Variants in ADGRE3 observed in about 807,000 individuals in gnomAD.
The protein encoded by ADGRE3 is adhesion G protein-coupled receptor E3.
A neutral mutation model predicts 80.1 loss-of-function variants in ADGRE3; 88 were observed. That is an observed-to-expected ratio of 1.10 (90% CI 0.93 to 1.31). ADGRE3 has a LOEUF of 1.31. ADGRE3 is among the 40% of genes most tolerant of loss of function. The pLI, the probability that ADGRE3 is intolerant of heterozygous loss-of-function variation, is 0.00. For missense variants in ADGRE3, 715 were observed against 776.5 expected, an observed-to-expected ratio of 0.92 and a Z score of 0.94; for synonymous variants, 281 against 294.8, an observed-to-expected ratio of 0.95 and a Z score of 0.48.
intron 11 of ADGRE3, among the ~76,000 whole-genome samples, chr19:14,636,081 C>CTTTCTTTTTCTTTCTCT (rs1555755785): frequency 8.1e-5 from 2 of 24,604 alleles, no homozygotes; most frequent in African/African-American, 2.7e-4. Context: ...CTTTCCTTTC[C>CTTTCTTTTTCTTTCTCT]CTTTCTTTCT....
the ADGRE3 span, among the ~76,000 whole-genome samples, chr19:14,613,846 C>T: frequency 7.2e-5 from 11 of 151,890 alleles, no homozygotes; most frequent in East Asian, 7.7e-4. Context: ...CCACCACATC[C>T]GGCTAATTTT....
the ADGRE3 span, among the ~76,000 whole-genome samples, chr19:14,608,529 A>G: frequency 6.6e-6 from 1 of 151,452 alleles, no homozygotes; most frequent in Non-Finnish European, 1.5e-5. Flanking sequence ...TATTTCCTCC[A>G]TTGCAACATC....
chr19:14,610,956 C>G, the ADGRE3 span: 1 of 151,898 alleles, frequency 6.6e-6, no homozygotes, highest in African/African-American at 2.4e-5. Flanking sequence ...GTCACCGTAC[C>G]TGGCCGATAT....
At chr19:14,633,088 G>T in intron 12 of ADGRE3, 76 bp from the exon 13 acceptor site, 1 of 1,343,496 alleles carries the variant, frequency 7.4e-7, no homozygotes, top group Non-Finnish European at 1.1e-6. Context: ...GCACACAGGA[G>T]TCCTACCCTC....
intron 6 of ADGRE3, 117 bp from the exon 7 acceptor site, chr19:14,651,321 A>C: frequency 8.7e-7 from 1 of 1,143,898 alleles, no homozygotes; most frequent in Non-Finnish European, 1.3e-6. Flanking sequence ...AGGCTGAGGC[A>C]GAAGGATTGC....
rs1285676376 is a variant in ADGRE3 at position 14,620,511 on chromosome 19, T to G, written c.1921-1040A>C. ...AATATATATGAATATATGAATATAT[T>G]ATGACTATATATGAATATATATATT... is the stretch of plus-strand genomic sequence containing the variant. On this transcript the variant is annotated intron_variant, in intron 15 of 15. Coordinates refer to ENST00000253673, the MANE Select transcript of ADGRE3 (RefSeq NM_032571.5). Among the ~76,000 whole-genome samples, 6 of 104,162 alleles carry G rather than the reference T, an allele frequency of 5.8e-5. 1 individual carries two copies. In the South Asian group the frequency reaches 1.6e-3, roughly 28 times the overall value. 68.3% of individuals were successfully genotyped at this position (104,162 alleles called of 152,430 possible).
chr19:14,620,421 T>TATATATGA (rs1268689499), intron 15 of ADGRE3, among the ~76,000 whole-genome samples: 1 of 142,246 alleles, frequency 7.0e-6, no homozygotes, highest in African/African-American at 2.8e-5. Flanking sequence ...TATATTCATG[T>TATATATGA]ATATATGAAT....
chr19:14,663,687 A>G (rs1436145013), intron 2 of ADGRE3, 147 bp from the exon 3 acceptor site: 5 of 935,466 alleles, frequency 5.3e-6, no homozygotes, highest in Admixed American at 2.9e-5. Context: ...AAAAATACCA[A>G]AAATAGCCAG....
intron 8 of ADGRE3, among the ~76,000 whole-genome samples, chr19:14,644,752 G>C (rs953297179): frequency 2.0e-5 from 3 of 151,278 alleles, no homozygotes; most frequent in African/African-American, 7.3e-5. Context: ...TTGAGACGGG[G>C]TCTCATTCTG....
At chr19:14,617,642 C>T (rs1325146623), downstream of ADGRE3, among the ~76,000 whole-genome samples, 1 of 151,938 alleles carries the variant, frequency 6.6e-6, no homozygotes, top group Non-Finnish European at 1.5e-5. Flanking sequence ...AGGTGATCCA[C>T]CTGCCTCGGC....
At position 14,638,239 on chromosome 19, in the gene ADGRE3, G is replaced by T; in HGVS notation, c.1350C>A (p.Asn450Lys). ...TGCTTGAGTAGTTGACCACTGTCAG[G>T]TTCCGTGCAGTGAGGAAGAGGTGCA... ...EGVHLFLTARNLTVVNYSSIN... is the reference protein window; with the variant it reads ...EGVHLFLTARKLTVVNYSSIN... Residue 450 changes from asparagine (N) to lysine (K), a missense_variant, in exon 11 of 16, where the codon AAC becomes AAA. Physicochemically the swap from Asn to Lys is moderately conservative, Grantham distance 94. Transcript: ENST00000253673. 6.2e-7 allele frequency: 1 copy of T among 1,614,126 alleles called. No homozygotes were observed. The highest frequency in any genetic ancestry group is 2.2e-5 in the East Asian group (1 of 44,876).
In ADGRE3 at chr19:14,647,180, C is replaced by A. The variant is rs140159580; in HGVS notation, c.882+1G>T. 6.2e-7 allele frequency: 1 copy of A among 1,613,184 alleles called. No homozygotes were observed. Among genetic ancestry groups the A allele is most frequent in the Non-Finnish European group, 8.5e-7 (1 of 1,179,510 alleles). On this transcript the variant is annotated splice_donor_variant, in intron 8 of 15. Coordinates refer to ENST00000253673, the MANE Select transcript of ADGRE3 (RefSeq NM_032571.5). LOFTEE classifies it high-confidence loss of function. Reference sequence around the variant, plus strand: ...AAGCTCAAATCATACCTGTGACCCACCTTCACGTGCTGGAAAGTCAGCGTC... The same window carrying A: ...AAGCTCAAATCATACCTGTGACCCAACTTCACGTGCTGGAAAGTCAGCGTC...
intron 15 of ADGRE3, chr19:14,622,136 T>C: frequency 9.5e-7 from 1 of 1,053,274 alleles, no homozygotes; most frequent in Non-Finnish European, 1.3e-6. Flanking sequence ...CTGACACATC[T>C]CACACGTTTG....
chr19:14,648,956 T>A (rs866229288), intron 7 of ADGRE3, among the ~76,000 whole-genome samples: 1 of 151,784 alleles, frequency 6.6e-6, no homozygotes. Flanking sequence ...TCTCTCTCTT[T>A]CCATCTCTCT....
intron 1 of ADGRE3, among the ~76,000 whole-genome samples, chr19:14,670,900 A>G (rs11085904): frequency 6.6e-6 from 1 of 152,178 alleles, no homozygotes. Flanking sequence ...CACTACCTGC[A>G]TGGAAGTGCT....
At chr19:14,644,704 A>G (rs1971352083) in intron 8 of ADGRE3, among the ~76,000 whole-genome samples, 1 of 152,054 alleles carries the variant, frequency 6.6e-6, no homozygotes, top group Admixed American at 6.6e-5. Context: ...ACCTGTGTGA[A>G]GAGTGACTCA....
At chr19:14,667,344 G>GT (rs141442018) in intron 2 of ADGRE3, among the ~76,000 whole-genome samples, 1,440 of 139,456 alleles carry the variant, frequency 0.01, 19 homozygotes, top group African/African-American at 0.025. Flanking sequence ...CTTCTTTTCT[G>GT]TTTTTTTTTT....
intron 8 of ADGRE3, among the ~76,000 whole-genome samples, chr19:14,645,168 G>A (rs1032204658): frequency 6.6e-6 from 1 of 151,484 alleles, no homozygotes; most frequent in African/African-American, 2.4e-5. Flanking sequence ...CCCAACCATG[G>A]GAGGAAAAAA....
Position 14,632,620 on chromosome 19 carries a change from A to T in ADGRE3, c.1643+301T>A, listed in dbSNP as rs537899509. Reference sequence around the variant, plus strand: ...AGCAACAAAGTAGAAAGCACCTGAGACCCTGGAACACTGTGTGGAGCAGAG... The same window carrying T: ...AGCAACAAAGTAGAAAGCACCTGAGTCCCTGGAACACTGTGTGGAGCAGAG... On this transcript the variant is annotated intron_variant, in intron 13 of 15. Coordinates refer to ENST00000253673, the MANE Select transcript of ADGRE3 (RefSeq NM_032571.5). Among the ~76,000 whole-genome samples the T allele has an allele frequency of 4.6e-5, 7 of 152,190 alleles. No individual in the cohort carries two copies. In the East Asian group the frequency reaches 1.3e-3, roughly 29 times the overall value.
Sources: gnomAD v4.1 joint callset for allele counts (sites outside exome capture counted in the v4.1 genomes callset) on GRCh38, gnomAD v4.1.1 for gene constraint, MANE v1.5 for transcripts, NCBI Gene and HGNC (gene_info 2026-07-23, HGNC 2026-07-21) for gene names.